The following PROS1 variants were observed in gnomAD, a reference collection of about 807,000 sequenced individuals.
PROS1 encodes the protein protein S.
Under a neutral mutation model 75.9 loss-of-function variants are expected in PROS1, and 29 were observed. That is an observed-to-expected ratio of 0.38 (90% CI 0.28 to 0.52). The LOEUF (loss-of-function observed/expected upper bound fraction) is 0.52. Among genes scored for constraint, PROS1 ranks in the 20% least tolerant of loss-of-function variants. The pLI, the probability that PROS1 is intolerant of heterozygous loss-of-function variation, is 0.83. For synonymous variants in PROS1, 245 were observed against 280.6 expected, an observed-to-expected ratio of 0.87 and a Z score of 1.27; for missense variants, 680 against 810.3, an observed-to-expected ratio of 0.84 and a Z score of 1.95.
chr3:93,894,206 CA>C (rs1708471270), intron 9 of PROS1, among the ~76,000 whole-genome samples: 1 of 152,078 alleles, frequency 6.6e-6, no homozygotes, highest in South Asian at 2.1e-4. Flanking sequence ...ATAGAGGCAC[CA>C]TTTGCAATGG....
In PROS1 at chr3:93,877,042, T is replaced by G. The variant is rs1708200166; in HGVS notation, c.1794A>C (p.Glu598Asp). The change falls in exon 14 of 15, where the codon GAA becomes GAC. Residue 598 changes from glutamate to aspartate, a missense_variant. By Grantham distance (45) the Glu-to-Asp change is conservative. Coordinates refer to ENST00000394236, the MANE Select transcript of PROS1 (RefSeq NM_000313.4). ...AGACGGCAAGTTGTCTTTGAAGGTCTTCATGGGAGATGGTTTCTATTTTAA... is the reference window on the plus strand; with the variant it reads ...AGACGGCAAGTTGTCTTTGAAGGTCGTCATGGGAGATGGTTTCTATTTTAA... ...TPLKIETISHEDLQRQLAVLD... is the reference protein window; with the variant it reads ...TPLKIETISHDDLQRQLAVLD... 1.2e-6 allele frequency: 2 copies of G among 1,614,108 alleles called. No homozygotes were observed. Among genetic ancestry groups the G allele is most frequent in the East Asian group, 2.2e-5 (1 of 44,860 alleles).
intron 1 of PROS1, among the ~76,000 whole-genome samples, chr3:93,955,761 A>G (rs1709589111): frequency 6.6e-6 from 1 of 152,164 alleles, no homozygotes; most frequent in Non-Finnish European, 1.5e-5. Context: ...TCTGCAGGCA[A>G]TTGTCATTAC....
intron 3 of PROS1, among the ~76,000 whole-genome samples, chr3:93,915,538 T>C (rs1708832478): frequency 6.6e-6 from 1 of 152,212 alleles, no homozygotes; most frequent in African/African-American, 2.4e-5. Context: ...AAATCTCTGC[T>C]ATCCTAGTAC....
At chr3:93,935,955 TAAA>T (rs1170480529) in intron 1 of PROS1, among the ~76,000 whole-genome samples, 1 of 123,474 alleles carries the variant, frequency 8.1e-6, no homozygotes, top group Non-Finnish European at 1.7e-5. Context: ...AAGTCCACAT[TAAA>T]AAAAAAAAAA....
chr3:93,973,879 A>G lies in PROS1; in HGVS notation c.-130T>C. The G allele has an allele frequency of 1.5e-6, 1 of 671,222 alleles. No individual in the cohort carries two copies. The highest frequency in any genetic ancestry group is 2.2e-6 in the Non-Finnish European group (1 of 459,186). The allele number at this position is 671,222 out of a possible 1,614,324, so 41.6% of individuals were successfully genotyped here. A position where few individuals can be genotyped will look rare whatever the true frequency, so the allele number is the denominator to read the frequency against. ...TGCTGCGCGGCGGCGCCAGCGACCC[A>G]GCGAGCCTCGGCGGAACAGCCGGGG... On this transcript the variant is annotated 5_prime_UTR_variant, in exon 1 of 15. Coordinates refer to ENST00000394236, the MANE Select transcript of PROS1 (RefSeq NM_000313.4).
chr3:93,924,659 C>A (rs1037919833), intron 2 of PROS1, among the ~76,000 whole-genome samples: 4 of 149,596 alleles, frequency 2.7e-5, no homozygotes, highest in African/African-American at 9.9e-5. Flanking sequence ...CAGTAACGTA[C>A]TCTCTTTTTT....
At chr3:93,936,377 C>A (rs918698512) in intron 1 of PROS1, among the ~76,000 whole-genome samples, 2 of 152,034 alleles carry the variant, frequency 1.3e-5, no homozygotes, top group Non-Finnish European at 1.5e-5. Flanking sequence ...GCCCATGTAA[C>A]AAACCTGCAC....
intron 10 of PROS1, among the ~76,000 whole-genome samples, chr3:93,892,556 G>A (rs570462385): frequency 4.0e-5 from 6 of 151,752 alleles, no homozygotes; most frequent in African/African-American, 1.5e-4. Flanking sequence ...CCTGGGAGGT[G>A]GAGGTTGCAG....
chr3:93,930,515 T>C (rs1709091757), intron 1 of PROS1, among the ~76,000 whole-genome samples: 1 of 152,210 alleles, frequency 6.6e-6, no homozygotes, highest in Non-Finnish European at 1.5e-5. Context: ...ATTCACTTCT[T>C]GGCATTTTTT....
chr3:93,886,407 T>A lies in PROS1; in HGVS notation c.1252A>T (p.Asn418Tyr), dbSNP rs753603433. The A allele has an allele frequency of 9.3e-6, 15 of 1,613,816 alleles. No individual in the cohort carries two copies. The highest frequency in any genetic ancestry group is 1.3e-5 in the Non-Finnish European group (15 of 1,179,900). The stretch of plus-strand genomic sequence containing the variant: ...TATACTTTGGTTTCCAGCAATCCAT[T>A]TTCCGGCTTAAAAAGGGGTCCAGGT... ...NKPGPLFKPE[N>Y]GLLETKVYFA... Residue 418 changes from asparagine to tyrosine, a missense_variant, in exon 11 of 15, where the codon AAT (asparagine) becomes TAT (tyrosine). Coordinates refer to ENST00000394236, the MANE Select transcript of PROS1 (RefSeq NM_000313.4).
chr3:93,895,887 C>T (rs1203409938), intron 9 of PROS1, among the ~76,000 whole-genome samples: 1 of 152,128 alleles, frequency 6.6e-6, no homozygotes, highest in African/African-American at 2.4e-5. Flanking sequence ...ATTGCTTGAC[C>T]TGGGAGGCGA....
chr3:93,917,547 T>G (rs934575435), intron 3 of PROS1, among the ~76,000 whole-genome samples: 1 of 152,206 alleles, frequency 6.6e-6, no homozygotes, highest in Non-Finnish European at 1.5e-5. Flanking sequence ...ACCACTGCAC[T>G]GTGGGAGCCC....
rs150339997 is a variant in PROS1, at chr3:93,943,450, C to A, written c.77-16043G>T. Among the ~76,000 whole-genome samples the A allele has an allele frequency of 2.3e-4, 35 of 152,176 alleles. No individual in the cohort carries two copies. In the East Asian group the frequency reaches 6.0e-3, roughly 26 times the overall value. ...TGTATCCAGGCCATCACCAACCATT[C>A]TATACAACCAATGTCACTTCTAACA... On this transcript the variant is annotated intron_variant, in intron 1 of 14. Transcript: ENST00000394236.
At chr3:93,960,841 A>C (rs1452459099) in intron 1 of PROS1, among the ~76,000 whole-genome samples, 1 of 151,878 alleles carries the variant, frequency 6.6e-6, no homozygotes, top group East Asian at 1.9e-4. Flanking sequence ...TAATAATAAA[A>C]ATCAGAGGGC....
chr3:93,961,753 C>T (rs1576218885), intron 1 of PROS1, among the ~76,000 whole-genome samples: 2 of 152,294 alleles, frequency 1.3e-5, no homozygotes, highest in East Asian at 3.9e-4. Flanking sequence ...GCTTTCATTC[C>T]ATTTGCTAGC....
At chr3:93,876,588 C>CAAAAAAAA (rs34147087) in intron 14 of PROS1, among the ~76,000 whole-genome samples, 12 of 34,972 alleles carry the variant, frequency 3.4e-4, no homozygotes, top group Admixed American at 4.9e-4. Flanking sequence ...GACTCCATCT[C>CAAAAAAAA]AAAAAAAAAA....
intron 1 of PROS1, chr3:93,928,650 A>G (rs1455034910): frequency 2.2e-5 from 16 of 735,330 alleles, no homozygotes; most frequent in Non-Finnish European, 3.0e-5. Context: ...CAACAATAAA[A>G]ATAACATAAC....
chr3:93,973,253 G>T (rs1709907907), intron 1 of PROS1, among the ~76,000 whole-genome samples: 1 of 152,290 alleles, frequency 6.6e-6, no homozygotes, highest in East Asian at 1.9e-4. Context: ...AAGGGAGGCA[G>T]GTTTCAGGAG....
intron 8 of PROS1, among the ~76,000 whole-genome samples, chr3:93,897,359 CAT>C (rs1708516886): frequency 6.6e-6 from 1 of 151,366 alleles, no homozygotes; most frequent in African/African-American, 2.4e-5. Context: ...TTATTGAACA[CAT>C]ATGAGGATAT....
Sources: gnomAD v4.1 joint callset for allele counts (sites outside exome capture counted in the v4.1 genomes callset) on GRCh38, gnomAD v4.1.1 for gene constraint, MANE v1.5 for transcripts, NCBI Gene and HGNC (gene_info 2026-07-23, HGNC 2026-07-21) for gene names.